LRP1B: variants seen among roughly 807,000 people sequenced by gnomAD.
LRP1B encodes the protein low-density lipoprotein receptor-related protein 1B.
A neutral mutation model predicts 556.6 loss-of-function variants in LRP1B; 217 were observed. The ratio of observed to expected loss-of-function variants is 0.39; its 90% CI spans 0.35 to 0.44. LRP1B has a LOEUF of 0.44. LRP1B is among the 20% of genes least tolerant of loss of function. LRP1B has a pLI of 1.00. For missense variants in LRP1B, 5,053 were observed against 5,620.8 expected (o/e 0.90, Z 3.23); for synonymous variants, 2,047 against 1,865.8 (o/e 1.10, Z -2.50).
chr2:140,745,034 T>C (rs1046938756), intron 35 of LRP1B, among the ~76,000 whole-genome samples: 2 of 152,218 alleles, frequency 1.3e-5, no homozygotes, highest in Non-Finnish European at 2.9e-5. Context: ...AAATATATTA[T>C]GTATCATTAC....
At chr2:140,542,864 C>T (rs1490945594) in intron 43 of LRP1B, among the ~76,000 whole-genome samples, 7 of 152,082 alleles carry the variant, frequency 4.6e-5, no homozygotes, top group African/African-American at 1.7e-4. Flanking sequence ...TAAGTGCGTG[C>T]ACATGTGTGC....
At chr2:140,849,977 A>T in intron 29 of LRP1B, 125 bp downstream of exon 29, 1 of 646,894 alleles carries the variant, frequency 1.5e-6, no homozygotes, top group Non-Finnish European at 2.7e-6. Context: ...TTAAATCTCT[A>T]ATCAATTCTA....
At chr2:141,402,470 T>C (rs1367434793) in intron 3 of LRP1B, among the ~76,000 whole-genome samples, 1 of 152,100 alleles carries the variant, frequency 6.6e-6, no homozygotes, top group Non-Finnish European at 1.5e-5. Flanking sequence ...CAAAAAGTAT[T>C]AGTTTCCAAG....
At chr2:140,626,225 G>T (rs1028508606) in intron 41 of LRP1B, among the ~76,000 whole-genome samples, 2 of 152,052 alleles carry the variant, frequency 1.3e-5, no homozygotes, top group Non-Finnish European at 2.9e-5. Context: ...GAGATGGAAG[G>T]ATAAATAGGC....
chr2:141,775,940 T>C (rs1375723400), intron 2 of LRP1B, among the ~76,000 whole-genome samples: 1 of 151,768 alleles, frequency 6.6e-6, no homozygotes, highest in African/African-American at 2.4e-5. Flanking sequence ...CCTCCTGGGT[T>C]CACACCATTC....
chr2:140,771,658 T>C (rs531298548), intron 33 of LRP1B, among the ~76,000 whole-genome samples: 11 of 152,262 alleles, frequency 7.2e-5, no homozygotes, highest in Middle Eastern at 3.4e-3. Context: ...CATTCTAGAA[T>C]CCCTGCTGAA....
chr2:140,513,496 C>CT (rs5834753), intron 51 of LRP1B, among the ~76,000 whole-genome samples: 106,121 of 151,810 alleles, frequency 0.7, 37,598 homozygotes, highest in Middle Eastern at 0.81. Flanking sequence ...TGATTACTGA[C>CT]TTTTTTTCTT....
chr2:142,117,104 T>C (rs761761565), intron 1 of LRP1B, among the ~76,000 whole-genome samples: 4 of 152,090 alleles, frequency 2.6e-5, no homozygotes, highest in Non-Finnish European at 4.4e-5. Flanking sequence ...CGGAATATTT[T>C]CCCCCAGGTC....
At chr2:141,472,419 A>C (rs1682510644) in intron 3 of LRP1B, among the ~76,000 whole-genome samples, 2 of 152,136 alleles carry the variant, frequency 1.3e-5, no homozygotes, top group South Asian at 4.1e-4. Flanking sequence ...GGATGCCTGT[A>C]ATTCCAACTA....
intron 84 of LRP1B, among the ~76,000 whole-genome samples, chr2:140,287,721 C>T (rs1362363066): frequency 6.6e-6 from 1 of 150,720 alleles, no homozygotes; most frequent in Non-Finnish European, 1.5e-5. Flanking sequence ...TAAGTGGCTT[C>T]CTATTCCCAT....
chr2:140,305,948 A>G (rs1469233264), intron 83 of LRP1B, among the ~76,000 whole-genome samples: 1 of 151,626 alleles, frequency 6.6e-6, no homozygotes, highest in Non-Finnish European at 1.5e-5. Context: ...TATATGCTGG[A>G]TTACATTTAT....
intron 15 of LRP1B, among the ~76,000 whole-genome samples, chr2:140,997,732 T>C (rs190068031): frequency 2.8e-4 from 43 of 152,134 alleles, no homozygotes; most frequent in African/African-American, 9.4e-4. Flanking sequence ...CCAGATTCTC[T>C]TATTGCCTCT....
intron 3 of LRP1B, among the ~76,000 whole-genome samples, chr2:141,393,008 T>C (rs1258266253): frequency 6.6e-6 from 1 of 152,168 alleles, no homozygotes; most frequent in Non-Finnish European, 1.5e-5. Context: ...CTTATCATAA[T>C]TGAAAATCTT....
intron 21 of LRP1B, among the ~76,000 whole-genome samples, chr2:140,914,917 A>G (rs552302931): frequency 4.6e-5 from 7 of 152,288 alleles, no homozygotes; most frequent in Admixed American, 1.3e-4. Flanking sequence ...CACTCTTTGT[A>G]CATTCTACCA....
chr2:141,749,257 T>G (rs1694021978), intron 2 of LRP1B, among the ~76,000 whole-genome samples: 1 of 152,212 alleles, frequency 6.6e-6, no homozygotes. Context: ...AAACTTTTAA[T>G]ATTTTCTAAT....
At chr2:141,758,343 A>C (rs1277037252) in intron 2 of LRP1B, among the ~76,000 whole-genome samples, 1 of 152,182 alleles carries the variant, frequency 6.6e-6, no homozygotes, top group African/African-American at 2.4e-5. Flanking sequence ...TGCATATAAA[A>C]ATCTCACAGT....
In LRP1B at chr2:140,776,164, T is replaced by C; in HGVS notation, c.5434A>G (p.Thr1812Ala). The C allele has an allele frequency of 6.3e-7, 1 of 1,598,306 alleles. No individual in the cohort carries two copies. The change falls in exon 33 of 91, where the codon ACC (threonine) becomes GCC (alanine). Residue 1812 changes from threonine to alanine, a missense_variant. Around this residue, in one of 5 missense-constraint regions of LRP1B, gnomAD observed 3,619 missense variants for 3,931.9 expected, o/e 0.92. Coordinates refer to ENST00000389484, the MANE Select transcript of LRP1B (RefSeq NM_018557.3). ...CCAGAAGTCTTATTCCGTAGGATGG[T>C]GGGGTTTCTTCCGTCTCTTTTGCTG... ...TCSKRDGRNP[T>A]ILRNKTSGVV...
intron 74 of LRP1B, among the ~76,000 whole-genome samples, chr2:140,357,339 G>T (rs1682273585): frequency 6.6e-6 from 1 of 151,246 alleles, no homozygotes; most frequent in African/African-American, 2.4e-5. Flanking sequence ...GGTGGGTATT[G>T]CTTCATCCCT....
At chr2:141,298,115 T>G (rs1573770934) in intron 3 of LRP1B, among the ~76,000 whole-genome samples, 1 of 152,222 alleles carries the variant, frequency 6.6e-6, no homozygotes, top group African/African-American at 2.4e-5. Flanking sequence ...TTTTTCTTCA[T>G]TGATTTTCAG....
Sources: allele counts gnomAD v4.1 joint callset (sites outside exome capture counted in the v4.1 genomes callset), GRCh38; gene constraint gnomAD v4.1.1; regional missense constraint gnomAD v4.1.1; transcripts MANE v1.5; gene names NCBI Gene and HGNC (gene_info 2026-07-23, HGNC 2026-07-21).